Variants in HACD3 observed in about 807,000 individuals in gnomAD.
HACD3 encodes the protein very-long-chain (3R)-3-hydroxyacyl-CoA dehydratase 3.
A neutral mutation model predicts 55.2 loss-of-function variants in HACD3; 30 were observed. That is an observed-to-expected ratio of 0.54 (90% CI 0.41 to 0.74). HACD3 has a LOEUF of 0.74. HACD3 is among the 30% of genes least tolerant of loss of function. The pLI, the probability that HACD3 is intolerant of heterozygous loss-of-function variation, is 0.00. For synonymous variants in HACD3, 141 were observed against 151.7 expected (o/e 0.93, Z 0.52); for missense variants, 363 against 440.1 (o/e 0.82, Z 1.57).
At chr15:65,551,366 G>T (rs1385667339) in intron 1 of HACD3, among the ~76,000 whole-genome samples, 1 of 152,080 alleles carries the variant, frequency 6.6e-6, no homozygotes, top group Non-Finnish European at 1.5e-5. Context: ...CTGTATTCCC[G>T]TGTCATATCT....
intron 5 of HACD3, among the ~76,000 whole-genome samples, chr15:65,561,195 G>A (rs1302071944): frequency 2.6e-5 from 4 of 152,090 alleles, no homozygotes; most frequent in Admixed American, 6.5e-5. Context: ...GGCCAGGCAC[G>A]GTGGCTCATG....
chr15:65,563,013 G>C, intron 6 of HACD3, 129 bp downstream of exon 6: 1 of 1,390,370 alleles, frequency 7.2e-7, no homozygotes. Flanking sequence ...TCTACTTTTC[G>C]TTGTGCTTTC....
intron 7 of HACD3, among the ~76,000 whole-genome samples, chr15:65,567,886 C>A (rs2072307905): frequency 6.6e-6 from 1 of 151,056 alleles, no homozygotes; most frequent in Non-Finnish European, 1.5e-5. Context: ...TTGCCAGGGG[C>A]TGGCTGAATG....
chr15:65,573,661 T>C (rs1402233438), intron 10 of HACD3, among the ~76,000 whole-genome samples: 1 of 152,064 alleles, frequency 6.6e-6, no homozygotes, highest in Non-Finnish European at 1.5e-5. Context: ...TAAATGCAAC[T>C]ATACATGATT....
intron 8 of HACD3, among the ~76,000 whole-genome samples, chr15:65,570,773 A>T (rs998754271): frequency 1.3e-5 from 2 of 152,184 alleles, no homozygotes; most frequent in African/African-American, 4.8e-5. Flanking sequence ...CCTTTCAGTC[A>T]GCTGGAGCAA....
intron 2 of HACD3, among the ~76,000 whole-genome samples, chr15:65,552,782 G>A (rs1312584508): frequency 1.3e-5 from 2 of 150,630 alleles, no homozygotes; most frequent in African/African-American, 4.9e-5. Flanking sequence ...ATGCTGGTGC[G>A]CTGCACCCAC....
intron 1 of HACD3, among the ~76,000 whole-genome samples, chr15:65,539,440 C>T (rs2071997445): frequency 2.6e-5 from 4 of 151,954 alleles, no homozygotes; most frequent in Admixed American, 2.6e-4. Flanking sequence ...ATGCTGGTCT[C>T]GAACTCCTGA....
intron 7 of HACD3, among the ~76,000 whole-genome samples, chr15:65,569,239 C>T (rs1278064527): frequency 1.7e-5 from 2 of 117,924 alleles, no homozygotes; most frequent in African/African-American, 4.1e-5. Context: ...CAGAGCGAGA[C>T]TCTGTCTCAA....
chr15:65,541,438 A>G (rs1032621445), intron 1 of HACD3, among the ~76,000 whole-genome samples: 1 of 152,222 alleles, frequency 6.6e-6, no homozygotes, highest in East Asian at 1.9e-4. Context: ...AGTTGGGTTT[A>G]TTGCTTGTTC....
At chr15:65,536,985 A>G (rs1260736072) in intron 1 of HACD3, among the ~76,000 whole-genome samples, 1 of 152,228 alleles carries the variant, frequency 6.6e-6, no homozygotes, top group Non-Finnish European at 1.5e-5. Flanking sequence ...CCAAATGATA[A>G]GAAAGCAAAA....
At position 65,530,587 on chromosome 15, in the gene HACD3, G is replaced by T; in HGVS notation, c.-45G>T. 1 of 1,513,256 alleles carries T rather than the reference G, an allele frequency of 6.6e-7. No homozygotes were observed. Among genetic ancestry groups the T allele is most frequent in the South Asian group, 1.2e-5 (1 of 82,200 alleles). The allele number at this position is 1,513,256 out of a possible 1,614,324, so 93.7% of individuals were successfully genotyped here. On this transcript the variant is annotated 5_prime_UTR_variant, in exon 1 of 11. Transcript: ENST00000261875. ...CCAGCAGAGCACTACCTGAGGCAGCGAGGCGCAGCGAGCCTAGCCTCCCCG... is the reference window on the plus strand; with the variant it reads ...CCAGCAGAGCACTACCTGAGGCAGCTAGGCGCAGCGAGCCTAGCCTCCCCG...
intron 1 of HACD3, among the ~76,000 whole-genome samples, chr15:65,544,969 C>T (rs1324537526): frequency 1.3e-5 from 2 of 150,114 alleles, no homozygotes; most frequent in Non-Finnish European, 3.0e-5. Context: ...TGCGGTGAGC[C>T]GAGATGGCAC....
At chr15:65,570,664 G>A (rs2072338984) in intron 8 of HACD3, among the ~76,000 whole-genome samples, 1 of 152,094 alleles carries the variant, frequency 6.6e-6, no homozygotes, top group Non-Finnish European at 1.5e-5. Flanking sequence ...CAATTTTCCC[G>A]TTCTCGGTTG....
At chr15:65,551,981 G>A (rs938671163) in intron 2 of HACD3, 1 of 381,148 alleles carries the variant, frequency 2.6e-6, no homozygotes, top group Non-Finnish European at 4.8e-6. Flanking sequence ...GAAATCAGGA[G>A]ACGTGTCTTC....
At chr15:65,556,715 T>C (rs756454303) in intron 3 of HACD3, 24 bp from the exon 4 acceptor site, 2 of 1,582,978 alleles carry the variant, frequency 1.3e-6, no homozygotes, top group Non-Finnish European at 1.7e-6. Context: ...GAGGGCATTC[T>C]CACATTTTCA....
Position 65,539,187 on chromosome 15 carries a change from T to A in HACD3, c.87+8469T>A, listed in dbSNP as rs111625996. Reference sequence around the variant, plus strand: ...AAAAAGCCTGACATGACCAAGTGTTTCTGAGAATGTTCAGTGACAGGACTT... The same window carrying A: ...AAAAAGCCTGACATGACCAAGTGTTACTGAGAATGTTCAGTGACAGGACTT... On this transcript the variant is annotated intron_variant, in intron 1 of 10. Coordinates refer to ENST00000261875, the MANE Select transcript of HACD3 (RefSeq NM_016395.4). 8.4e-3 allele frequency among the ~76,000 whole-genome samples: 1,276 copies of A among 151,242 alleles called. 22 individuals carry two copies. The highest frequency in any genetic ancestry group is 0.03 in the African/African-American group (1,229 of 41,128).
At chr15:65,571,324 C>T (rs1326592747) in intron 8 of HACD3, among the ~76,000 whole-genome samples, 1 of 151,980 alleles carries the variant, frequency 6.6e-6, no homozygotes, top group Non-Finnish European at 1.5e-5. Flanking sequence ...AAAGAGGGTT[C>T]CTTTGAGACC....
intron 10 of HACD3, chr15:65,574,384 G>C (rs1307019930): frequency 6.6e-6 from 1 of 152,316 alleles, no homozygotes; most frequent in African/African-American, 2.4e-5. Flanking sequence ...GAGAGAGAGA[G>C]CCCGAAGCCA....
chr15:65,539,515 C>T (rs146660484), intron 1 of HACD3, among the ~76,000 whole-genome samples: 1 of 152,208 alleles, frequency 6.6e-6, no homozygotes, highest in African/African-American at 2.4e-5. Context: ...GCCACCGTGC[C>T]CAGCCGGACT....
Sources: gnomAD v4.1 joint callset for allele counts (sites outside exome capture counted in the v4.1 genomes callset) on GRCh38, gnomAD v4.1.1 for gene constraint, MANE v1.5 for transcripts, NCBI Gene and HGNC (gene_info 2026-07-23, HGNC 2026-07-21) for gene names.